PTPRZ1: variants seen among roughly 807,000 people sequenced by gnomAD.
PTPRZ1 encodes protein tyrosine phosphatase receptor type Z1.
PTPRZ1 carries 82 observed loss-of-function variants against 214.1 expected under a neutral mutation model. That is an observed-to-expected ratio of 0.38 (90% CI 0.32 to 0.46). PTPRZ1 has a LOEUF of 0.46. PTPRZ1 is among the 20% of genes least tolerant of loss of function. The pLI is 1.00. For synonymous variants in PTPRZ1, 945 were observed against 987.9 expected (o/e 0.96, Z 0.81); for missense variants, 2,603 against 2,748.7 (o/e 0.95, Z 1.19).
At chr7:121,929,104 A>G (rs888707760) in intron 2 of PTPRZ1, among the ~76,000 whole-genome samples, 1 of 152,216 alleles carries the variant, frequency 6.6e-6, no homozygotes, top group South Asian at 2.1e-4. Context: ...TGCTATTTTA[A>G]AAGTAGTAAA....
chr7:121,951,898 CT>C (rs1253434855), intron 2 of PTPRZ1, among the ~76,000 whole-genome samples: 9 of 152,192 alleles, frequency 5.9e-5, no homozygotes, highest in Non-Finnish European at 1.3e-4. Flanking sequence ...GAATCTTCCC[CT>C]GGGCTGAAAA....
intron 1 of PTPRZ1, among the ~76,000 whole-genome samples, chr7:121,899,959 G>C (rs1353743577): frequency 6.6e-6 from 1 of 152,120 alleles, no homozygotes; most frequent in Non-Finnish European, 1.5e-5. Context: ...CAAAGCTATT[G>C]GAATGGACAC....
intron 1 of PTPRZ1, among the ~76,000 whole-genome samples, chr7:121,896,755 A>G (rs1416110249): frequency 6.6e-6 from 1 of 151,662 alleles, no homozygotes; most frequent in Non-Finnish European, 1.5e-5. Flanking sequence ...CCTGGGTGAC[A>G]GGGTGAGACT....
rs188699735 is a variant in PTPRZ1 at position 122,002,754 on chromosome 7, A to G, written c.1241-1860A>G. Among the ~76,000 whole-genome samples, 62 of 152,316 alleles carry G rather than the reference A, an allele frequency of 4.1e-4. No individual in the cohort carries two copies. The East Asian group carries it at 9.8e-3, about 24-fold the overall frequency. ...AAAAATTTTGAACACCTTCTTAGGC[A>G]TGTTGAAACAAATGGAAAATACTTG... On this transcript the variant is annotated intron_variant, in intron 10 of 29. Coordinates refer to ENST00000393386, the MANE Select transcript of PTPRZ1 (RefSeq NM_002851.3).
intron 2 of PTPRZ1, among the ~76,000 whole-genome samples, chr7:121,952,144 G>A (rs1214299164): frequency 6.6e-6 from 1 of 152,026 alleles, no homozygotes; most frequent in African/African-American, 2.4e-5. Flanking sequence ...ATTTTTAGTA[G>A]AGACAGGGTT....
chr7:121,949,496 T>C lies in PTPRZ1; in HGVS notation c.125-18455T>C, dbSNP rs57308958. 7.8e-4 allele frequency among the ~76,000 whole-genome samples: 119 copies of C among 152,350 alleles called. 1 individual carries two copies. In the East Asian group the frequency reaches 0.018, roughly 22 times the overall value. On this transcript the variant is annotated intron_variant, in intron 2 of 29. Transcript: ENST00000393386. ...TTATCATATTTTGCTCCATTCAAAATACTGTGCCCAACTCTAGGTGCTAAA... is the reference window on the plus strand; with the variant it reads ...TTATCATATTTTGCTCCATTCAAAACACTGTGCCCAACTCTAGGTGCTAAA...
rs143196687 is a variant in PTPRZ1, at chr7:121,968,064, C to A, written c.238C>A (p.Leu80Ile). ...LTQVNVNLKK[L>I]KFQGWDKTSL... The stretch of plus-strand genomic sequence containing the variant: ...ACAAGTAAATGTGAATCTTAAGAAA[C>A]TTAAATTTCAGGGTTGGGATAAAAC... Residue 80 changes from leucine to isoleucine, a missense_variant, in exon 3 of 30, where the codon CTT (leucine) becomes ATT (isoleucine). By Grantham distance (5) the Leu-to-Ile change is conservative. Transcript: ENST00000393386. The A allele has an allele frequency of 8.7e-6, 14 of 1,605,796 alleles. No individual in the cohort carries two copies. The African/African-American group carries it at 1.6e-4, about 18-fold the overall frequency.
chr7:121,898,426 A>G (rs1386096989), intron 1 of PTPRZ1, among the ~76,000 whole-genome samples: 2 of 152,220 alleles, frequency 1.3e-5, no homozygotes, highest in African/African-American at 2.4e-5. Context: ...GAAATCTTTT[A>G]TCTGCTGTTT....
rs1798677045 is a variant in PTPRZ1, at chr7:122,011,861, A to T, written c.2815A>T (p.Ile939Phe). Residue 939 changes from isoleucine (I) to phenylalanine (F), a missense_variant, in exon 12 of 30, where the codon ATC (isoleucine) becomes TTC (phenylalanine). This residue lies in a region of PTPRZ1 where 1,913 missense variants were observed against 1,914.3 expected (regional missense o/e 1.00). Transcript: ENST00000393386. ...GTCTGATAATGAGGGCTCCCAACAC[A>T]TCTTCACTGTTTCTTACAGTTCTGC... ...ALSDNEGSQH[I>F]FTVSYSSAIP... 3 of 1,613,958 alleles carry T rather than the reference A, an allele frequency of 1.9e-6. No individual in the cohort carries two copies. The highest frequency in any genetic ancestry group is 2.5e-6 in the Non-Finnish European group (3 of 1,179,804).
At chr7:121,885,015 T>C (rs976526210) in intron 1 of PTPRZ1, among the ~76,000 whole-genome samples, 1 of 152,180 alleles carries the variant, frequency 6.6e-6, no homozygotes, top group African/African-American at 2.4e-5. Context: ...ACAATAAGCC[T>C]GTATTACTCA....
intron 8 of PTPRZ1, among the ~76,000 whole-genome samples, chr7:121,994,461 A>AT (rs1409495717): frequency 6.6e-6 from 1 of 151,602 alleles, no homozygotes. Flanking sequence ...CGCCTGGCTA[A>AT]TTTTTTGTAT....
intron 1 of PTPRZ1, among the ~76,000 whole-genome samples, chr7:121,915,353 C>T (rs192839621): frequency 9.6e-4 from 146 of 152,196 alleles, no homozygotes; most frequent in African/African-American, 3.1e-3. Context: ...GCTCTGAGAC[C>T]GGAGAGGCTT....
intron 10 of PTPRZ1, among the ~76,000 whole-genome samples, chr7:122,000,662 T>TATATATAC (rs1798292493): frequency 3.5e-5 from 1 of 28,372 alleles, no homozygotes; most frequent in Admixed American, 4.0e-4. Context: ...TATATATATA[T>TATATATAC]ATATATATAT....
chr7:122,027,986 A>G (rs1799252956), intron 13 of PTPRZ1, among the ~76,000 whole-genome samples: 1 of 152,136 alleles, frequency 6.6e-6, no homozygotes, highest in Non-Finnish European at 1.5e-5. Flanking sequence ...TCAAAATGTT[A>G]CCACGGTGTA....
chr7:121,931,695 T>C (rs528747195), intron 2 of PTPRZ1, among the ~76,000 whole-genome samples: 2 of 152,140 alleles, frequency 1.3e-5, no homozygotes, highest in African/African-American at 4.8e-5. Flanking sequence ...CAATATCTTA[T>C]TATCTTAGGA....
intron 4 of PTPRZ1, among the ~76,000 whole-genome samples, chr7:121,972,952 G>A (rs532112666): frequency 6.6e-6 from 1 of 152,022 alleles, no homozygotes; most frequent in South Asian, 2.1e-4. Flanking sequence ...GGAAAAGGGG[G>A]ACAATTTCAT....
At chr7:121,908,030 T>G (rs1403875115) in intron 1 of PTPRZ1, among the ~76,000 whole-genome samples, 1 of 152,082 alleles carries the variant, frequency 6.6e-6, no homozygotes. Flanking sequence ...TTGGCTGATG[T>G]GAAAATTGAA....
intron 23 of PTPRZ1, among the ~76,000 whole-genome samples, chr7:122,045,785 T>C (rs1021403144): frequency 3.9e-5 from 6 of 152,046 alleles, no homozygotes; most frequent in African/African-American, 1.4e-4. Context: ...AAAACATTGA[T>C]ATGGTAAGCT....
At chr7:122,050,597 T>C (rs1469652864) in intron 23 of PTPRZ1, among the ~76,000 whole-genome samples, 1 of 152,126 alleles carries the variant, frequency 6.6e-6, no homozygotes, top group African/African-American at 2.4e-5. Flanking sequence ...AAATTGGCTG[T>C]AAATCTCTGT....
Sources: allele counts gnomAD v4.1 joint callset (sites outside exome capture counted in the v4.1 genomes callset), GRCh38; gene constraint gnomAD v4.1.1; regional missense constraint gnomAD v4.1.1; transcripts MANE v1.5; gene names NCBI Gene and HGNC (gene_info 2026-07-23, HGNC 2026-07-21).